THSD7B: variants seen among roughly 807,000 people sequenced by gnomAD.
The protein encoded by THSD7B is thrombospondin type-1 domain-containing protein 7B.
THSD7B carries 138 observed loss-of-function variants against 213.6 expected under a neutral mutation model. That is an observed-to-expected ratio of 0.65 (90% confidence interval 0.56 to 0.74). THSD7B has a LOEUF of 0.74. Ranked by LOEUF, THSD7B falls within the 30% of genes least tolerant of loss-of-function variation. The probability of loss-of-function intolerance (pLI) is 0.00; values close to 1 mark genes in which losing one functional copy is unlikely to be tolerated. For synonymous variants in THSD7B, 742 were observed against 687.0 expected, an observed-to-expected ratio of 1.08 and a Z score of -1.25; for missense variants, 1,931 against 1,991.5, an observed-to-expected ratio of 0.97 and a Z score of 0.58.
intron 10 of THSD7B, among the ~76,000 whole-genome samples, chr2:137,258,493 T>A (rs1298614056): frequency 6.6e-6 from 1 of 152,038 alleles, no homozygotes; most frequent in Non-Finnish European, 1.5e-5. Context: ...CTTCCCCATA[T>A]ATTACATTAG....
chr2:137,001,872 GTTC>G (rs1309469920), intron 2 of THSD7B, among the ~76,000 whole-genome samples: 1 of 151,962 alleles, frequency 6.6e-6, no homozygotes, highest in East Asian at 1.9e-4. Flanking sequence ...CACTTTCTCT[GTTC>G]TTTTTTGTTC....
At chr2:137,034,780 T>C (rs946366708) in intron 2 of THSD7B, among the ~76,000 whole-genome samples, 1 of 152,246 alleles carries the variant, frequency 6.6e-6, no homozygotes, top group Non-Finnish European at 1.5e-5. Flanking sequence ...CATTCTTTTT[T>C]ATAGCTGCAT....
intron 10 of THSD7B, 90 bp from the exon 11 acceptor site, chr2:137,272,443 C>T (rs1179143579): frequency 9.0e-6 from 12 of 1,326,590 alleles, no homozygotes; most frequent in Non-Finnish European, 1.2e-5. Flanking sequence ...CTTACTTTAT[C>T]TCTCTCTCTT....
intron 12 of THSD7B, among the ~76,000 whole-genome samples, chr2:137,360,476 C>T (rs1224773887): frequency 6.6e-6 from 1 of 152,158 alleles, no homozygotes; most frequent in East Asian, 1.9e-4. Flanking sequence ...GAAGCCATGA[C>T]AGACTGTACC....
intron 2 of THSD7B, among the ~76,000 whole-genome samples, chr2:136,891,423 T>C (rs1573693148): frequency 6.6e-6 from 1 of 152,238 alleles, no homozygotes; most frequent in East Asian, 1.9e-4. Flanking sequence ...TATTAGAGTA[T>C]GGGTCCCTCA....
intron 2 of THSD7B, among the ~76,000 whole-genome samples, chr2:137,009,389 C>A (rs1686180490): frequency 6.6e-6 from 1 of 152,108 alleles, no homozygotes; most frequent in African/African-American, 2.4e-5. Flanking sequence ...CTGTTTCATG[C>A]ATTATAGTAT....
intron 7 of THSD7B, among the ~76,000 whole-genome samples, chr2:137,230,153 TAAAC>T (rs1397747639): frequency 1.3e-5 from 2 of 152,218 alleles, no homozygotes; most frequent in African/African-American, 4.8e-5. Context: ...TAATAGGAAA[TAAAC>T]AACCTGAGAG....
chr2:137,113,181 A>G (rs960171092), intron 4 of THSD7B, among the ~76,000 whole-genome samples: 2 of 152,100 alleles, frequency 1.3e-5, no homozygotes, highest in East Asian at 1.9e-4. Flanking sequence ...ATCCACCCCA[A>G]CATTCTCATA....
rs182007070 is a variant in THSD7B, at chr2:137,625,175, G to A, written c.3799+4449G>A. On this transcript the variant is annotated intron_variant, in intron 20 of 27. Coordinates refer to ENST00000409968, the MANE Select transcript of THSD7B (RefSeq NM_001316349.2). Reference sequence around the variant, plus strand: ...AAATGATGAGTTCATGTCCTTTTTAGGATTATGGATGAAGCTGGAAACCAT... The same window carrying A: ...AAATGATGAGTTCATGTCCTTTTTAAGATTATGGATGAAGCTGGAAACCAT... Among the ~76,000 whole-genome samples, 421 of 152,140 alleles carry A rather than the reference G, an allele frequency of 2.8e-3. 4 individuals carry two copies. Among genetic ancestry groups the A allele is most frequent in the African/African-American group, 9.8e-3 (407 of 41,504 alleles).
chr2:136,778,619 C>A (rs1204937594), intron 1 of THSD7B, among the ~76,000 whole-genome samples: 1 of 152,186 alleles, frequency 6.6e-6, no homozygotes, highest in Non-Finnish European at 1.5e-5. Flanking sequence ...TGTTACCGAT[C>A]TAATAATTGC....
intron 2 of THSD7B, among the ~76,000 whole-genome samples, chr2:137,024,024 G>A (rs890003264): frequency 7.2e-5 from 11 of 151,850 alleles, no homozygotes; most frequent in Non-Finnish European, 5.9e-5. Context: ...AAGATGTTAC[G>A]GAAAAGGCCA....
chr2:137,258,229 T>C (rs1049085886), intron 10 of THSD7B, among the ~76,000 whole-genome samples: 1 of 152,214 alleles, frequency 6.6e-6, no homozygotes, highest in African/African-American at 2.4e-5. Context: ...TGTTTTGAAA[T>C]ACTTTTTTTA....
chr2:137,171,717 T>C (rs980561387), intron 7 of THSD7B, among the ~76,000 whole-genome samples: 6 of 152,224 alleles, frequency 3.9e-5, no homozygotes. Flanking sequence ...TTTGAACTTA[T>C]GCAGCTAAGT....
chr2:137,283,695 T>C (rs1683094693), intron 12 of THSD7B, among the ~76,000 whole-genome samples: 1 of 152,194 alleles, frequency 6.6e-6, no homozygotes, highest in African/African-American at 2.4e-5. Flanking sequence ...ATATGCTGGA[T>C]TACATTTATT....
intron 10 of THSD7B, among the ~76,000 whole-genome samples, chr2:137,268,730 T>C (rs1330212367): frequency 6.6e-6 from 1 of 152,156 alleles, no homozygotes; most frequent in East Asian, 1.9e-4. Context: ...AGCCTGTGAC[T>C]TAGAATGCCT....
intron 12 of THSD7B, among the ~76,000 whole-genome samples, chr2:137,346,478 TTCTCTC>T (rs139028202): frequency 0.011 from 1,645 of 147,644 alleles, 21 homozygotes; most frequent in African/African-American, 0.029. Context: ...TAATATTCCA[TTCTCTC>T]TCTCTCTCTC....
chr2:137,177,069 A>C (rs1028002812), intron 7 of THSD7B, among the ~76,000 whole-genome samples: 1 of 152,248 alleles, frequency 6.6e-6, no homozygotes, highest in African/African-American at 2.4e-5. Context: ...TTAAAGAATT[A>C]CCTTTCAAAG....
At chr2:136,908,248 C>T (rs972855250) in intron 2 of THSD7B, among the ~76,000 whole-genome samples, 2 of 152,132 alleles carry the variant, frequency 1.3e-5, no homozygotes, top group African/African-American at 4.8e-5. Context: ...AGAATTTTCA[C>T]ATAATGTGGT....
At chr2:137,126,771 C>A (rs1234428629) in intron 5 of THSD7B, among the ~76,000 whole-genome samples, 1 of 152,162 alleles carries the variant, frequency 6.6e-6, no homozygotes, top group Non-Finnish European at 1.5e-5. Flanking sequence ...TAAGCTTAAT[C>A]ATTTCTAGCT....
Sources: gnomAD v4.1 joint callset for allele counts (sites outside exome capture counted in the v4.1 genomes callset) on GRCh38, gnomAD v4.1.1 for gene constraint, MANE v1.5 for transcripts, NCBI Gene and HGNC (gene_info 2026-07-23, HGNC 2026-07-21) for gene names.